MIDEAS: variants seen among roughly 807,000 people sequenced by gnomAD.
MIDEAS encodes mitotic deacetylase associated SANT domain protein.
A neutral mutation model predicts 102.7 loss-of-function variants in MIDEAS; 26 were observed. The observed-to-expected ratio is 0.25, with a 90% confidence interval of 0.19 to 0.35. The LOEUF (loss-of-function observed/expected upper bound fraction) is 0.35, where lower values mean the gene tolerates loss of function less well. Among genes scored for constraint, MIDEAS ranks in the 10% least tolerant of loss-of-function variants. MIDEAS has a pLI of 1.00. For synonymous variants in MIDEAS, 585 were observed against 591.0 expected (o/e 0.99, Z 0.15); for missense variants, 1,231 against 1,435.6 (o/e 0.86, Z 2.30).
At position 73,727,207 on chromosome 14, in the gene MIDEAS, G is replaced by A. The variant is rs542283039; in HGVS notation, c.2163-235C>T. The stretch of plus-strand genomic sequence containing the variant: ...GCTGCAGGTTTACAGATGGGAAAGA[G>A]CCTCTGGACCCCCCTTTCAACTCTC... On this transcript the variant is annotated intron_variant, in intron 5 of 12. Transcript: ENST00000423556. The A allele has an allele frequency of 1.7e-5, 11 of 630,404 alleles. No individual in the cohort carries two copies. The South Asian group carries it at 2.2e-4, about 12-fold the overall frequency. The allele number at this position is 630,404 out of a possible 1,614,324, so 39.1% of individuals were successfully genotyped here. A position where few individuals can be genotyped will look rare whatever the true frequency, so the allele number is the denominator to read the frequency against.
Position 73,729,804 on chromosome 14 carries a change from G to A in MIDEAS, c.1931C>T (p.Pro644Leu). 1 of 1,613,544 alleles carries A rather than the reference G, an allele frequency of 6.2e-7. No individual in the cohort carries two copies. Among genetic ancestry groups the A allele is most frequent in the Non-Finnish European group, 8.5e-7 (1 of 1,179,890 alleles). Residue 644 changes from proline (P) to leucine (L), a missense_variant, in exon 4 of 13, where the codon CCC becomes CTC. This residue lies in a region of MIDEAS where 758 missense variants were observed against 856.0 expected (regional missense o/e 0.89). Transcript: ENST00000423556. ...LRSPVRLADH[P>L]SERSFELPPY... ...AGGTAGCTCAAAGCTCCGCTCAGAG[G>A]GGTGGTCAGCTAGGCGCACGGGAGA...
rs372924077 is a variant in MIDEAS at position 73,715,672 on chromosome 14, G to A, written c.*3171C>T. On this transcript the variant is annotated 3_prime_UTR_variant, in exon 13 of 13. Transcript: ENST00000423556. ...GCTTGCCAGTCTGATAATAAATACC[G>A]TCCCAGAAAAGCGAGCCCCAGTGAA... 1.3e-5 allele frequency: 2 copies of A among 152,480 alleles called. No homozygotes were observed. The highest frequency in any genetic ancestry group is 2.9e-5 in the Non-Finnish European group (2 of 68,034). 9.4% of individuals were successfully genotyped at this position (152,480 alleles called of 1,614,324 possible). A position where few individuals can be genotyped will look rare whatever the true frequency, so the allele number is the denominator to read the frequency against.
intron 1 of MIDEAS, among the ~76,000 whole-genome samples, chr14:73,775,439 A>C (rs2053680937): frequency 6.6e-6 from 1 of 152,030 alleles, no homozygotes; most frequent in African/African-American, 2.4e-5. Flanking sequence ...AAAAGTAGGC[A>C]AGTTCAGTGT....
At position 73,726,884 on chromosome 14, in the gene MIDEAS, A is replaced by T; in HGVS notation, c.2251T>A (p.Leu751Met). The change falls in exon 6 of 13, where the codon TTG (leucine) becomes ATG (methionine). Residue 751 changes from leucine to methionine, a missense_variant. Leu to Met is a conservative substitution (Grantham distance 15, BLOSUM62 2). This residue lies in a region of MIDEAS where 391 missense variants were observed against 483.0 expected (regional missense o/e 0.81). Coordinates refer to ENST00000423556, the MANE Select transcript of MIDEAS (RefSeq NM_001367710.1). The stretch of plus-strand genomic sequence containing the variant: ...AGGTCCTCCCATGGCTGCCACACCA[A>T]GTCAGCCTTGTGGGGATCTGCAGCT... Reference protein sequence around the residue: ...LAAADPHKADLVWQPWEDLES... With the variant: ...LAAADPHKADMVWQPWEDLES... 1 of 1,613,788 alleles carries T rather than the reference A, an allele frequency of 6.2e-7. No homozygotes were observed. The highest frequency in any genetic ancestry group is 1.3e-5 in the African/African-American group (1 of 75,050).
Position 73,739,372 on chromosome 14 carries a change from G to A in MIDEAS, c.637C>T (p.Pro213Ser), listed in dbSNP as rs1468071624. ...AATGCCAGCTGGAAGGGTTGCAGGG[G>A]CAGTGACTGGTTTGGGGGTTTCTTG... ...AAKKPPNQSL[P>S]LQPFQLAFGH... The change falls in exon 2 of 13, where the codon CCC becomes TCC. Residue 213 changes from proline (P) to serine (S), a missense_variant. Physicochemically the swap from Pro to Ser is moderately conservative, Grantham distance 74. Coordinates refer to ENST00000423556, the MANE Select transcript of MIDEAS (RefSeq NM_001367710.1). 9.4e-6 allele frequency: 15 copies of A among 1,591,508 alleles called. No homozygotes were observed. Among genetic ancestry groups the A allele is most frequent in the Non-Finnish European group, 1.3e-5 (15 of 1,167,180 alleles).
chr14:73,729,189 G>A (rs868390866), intron 4 of MIDEAS: 65 of 157,990 alleles, frequency 4.1e-4, no homozygotes, highest in African/African-American at 1.4e-3. Flanking sequence ...AAAGGACTAT[G>A]AGCAAACAGG....
rs2052953209 is a variant in MIDEAS, at chr14:73,719,478, C to T, written c.2961G>A (p.Arg987=). ...ACCCAGGGGCGTTGGACTCGTGGCT[C>T]CGGAGGATGAGGATGTCACTGGCCT... ...NESASDILIL[R]SHESNAPGSA... The change falls in exon 12 of 13, where the codon CGG becomes CGA. Residue 987 remains arginine, a synonymous_variant. Coordinates refer to ENST00000423556, the MANE Select transcript of MIDEAS (RefSeq NM_001367710.1). 1 of 1,613,782 alleles carries T rather than the reference C, an allele frequency of 6.2e-7. No individual in the cohort carries two copies. Among genetic ancestry groups the T allele is most frequent in the East Asian group, 2.2e-5 (1 of 44,848 alleles).
chr14:73,719,476 C>T lies in MIDEAS; in HGVS notation c.2963G>A (p.Ser988Asn). 1 of 1,613,890 alleles carries T rather than the reference C, an allele frequency of 6.2e-7. No individual in the cohort carries two copies. The highest frequency in any genetic ancestry group is 8.5e-7 in the Non-Finnish European group (1 of 1,179,972). Residue 988 changes from serine to asparagine, a missense_variant, in exon 12 of 13, where the codon AGC becomes AAC. By Grantham distance (46) the Ser-to-Asn change is conservative (BLOSUM62 1). This residue lies in a region of MIDEAS where 391 missense variants were observed against 483.0 expected (regional missense o/e 0.81). Coordinates refer to ENST00000423556, the MANE Select transcript of MIDEAS (RefSeq NM_001367710.1). ...ESASDILILR[S>N]HESNAPGSAG... Reference sequence around the variant, plus strand: ...AGACCCAGGGGCGTTGGACTCGTGGCTCCGGAGGATGAGGATGTCACTGGC... The same window carrying T: ...AGACCCAGGGGCGTTGGACTCGTGGTTCCGGAGGATGAGGATGTCACTGGC...
chr14:73,727,080 C>T, intron 5 of MIDEAS, 108 bp from the exon 6 acceptor site: 1 of 1,386,838 alleles, frequency 7.2e-7, no homozygotes, highest in Non-Finnish European at 9.7e-7. Context: ...AGAGCAAGGC[C>T]TCAGCTAGGT....
intron 1 of MIDEAS, among the ~76,000 whole-genome samples, chr14:73,749,224 C>T (rs1341339400): frequency 1.3e-5 from 2 of 152,124 alleles, no homozygotes; most frequent in African/African-American, 4.8e-5. Flanking sequence ...TGTAGGTGAA[C>T]TGTTTTTTTG....
At chr14:73,729,305 T>C (rs1315059497) in intron 4 of MIDEAS, 2 of 232,200 alleles carry the variant, frequency 8.6e-6, no homozygotes, top group Non-Finnish European at 1.7e-5. Flanking sequence ...AATCCAAAAA[T>C]AGTTGAATAT....
Position 73,737,254 on chromosome 14 carries a change from G to A in MIDEAS, c.1493C>T (p.Ser498Leu). 6.2e-7 allele frequency: 1 copy of A among 1,613,978 alleles called. No homozygotes were observed. The highest frequency in any genetic ancestry group is 8.5e-7 in the Non-Finnish European group (1 of 1,179,880). ...AAACTCCACCCCACACTTGGTAGTT[G>A]AGGCCAATACACTTTTCCGCTTCTC... ...SEEKRKSVLA[S>L]TTKCGVEFSE... The change falls in exon 3 of 13, where the codon TCA becomes TTA. Residue 498 changes from serine (S) to leucine (L), a missense_variant. Around this residue, in one of 5 missense-constraint regions of MIDEAS, gnomAD observed 758 missense variants for 856.0 expected, o/e 0.89. Coordinates refer to ENST00000423556, the MANE Select transcript of MIDEAS (RefSeq NM_001367710.1).
At chr14:73,737,481 C>T (rs1378301807) in intron 2 of MIDEAS, among the ~76,000 whole-genome samples, 184 bp from the exon 3 acceptor site, 1 of 152,090 alleles carries the variant, frequency 6.6e-6, no homozygotes, top group Non-Finnish European at 1.5e-5. Context: ...ACAAAATTAG[C>T]TGGGCATGGT....
At chr14:73,750,993 T>C (rs889488551) in intron 1 of MIDEAS, among the ~76,000 whole-genome samples, 1 of 152,252 alleles carries the variant, frequency 6.6e-6, no homozygotes, top group Non-Finnish European at 1.5e-5. Flanking sequence ...TCCTGTGTAA[T>C]CATCTCACAG....
intron 1 of MIDEAS, among the ~76,000 whole-genome samples, chr14:73,752,053 C>A (rs1007789658): frequency 6.6e-6 from 1 of 151,956 alleles, no homozygotes; most frequent in Non-Finnish European, 1.5e-5. Context: ...TGAGCATTAG[C>A]CCCCAGCCAC....
At chr14:73,748,946 G>T (rs997267402) in intron 1 of MIDEAS, among the ~76,000 whole-genome samples, 2 of 151,982 alleles carry the variant, frequency 1.3e-5, no homozygotes, top group African/African-American at 4.8e-5. Context: ...TGTCAGAATT[G>T]AAAGGAAAAA....
intron 12 of MIDEAS, 57 bp from the exon 13 acceptor site, chr14:73,719,065 G>A: frequency 6.9e-7 from 1 of 1,447,706 alleles, no homozygotes; most frequent in South Asian, 1.5e-5. Flanking sequence ...GGCCCCCAGC[G>A]CGGGTGCGCG....
chr14:73,722,928 G>C (rs1476637516), intron 9 of MIDEAS, 81 bp from the exon 10 acceptor site: 1 of 1,513,932 alleles, frequency 6.6e-7, no homozygotes, highest in Non-Finnish European at 9.0e-7. Flanking sequence ...TCTCGTCCCT[G>C]CATCTTTCCC....
upstream of MIDEAS, among the ~76,000 whole-genome samples, chr14:73,760,979 C>A (rs144032402): frequency 2.4e-3 from 360 of 152,280 alleles, 3 homozygotes; most frequent in Non-Finnish European, 3.7e-3. The surrounding 1 kb of genome is among the most constrained non-coding windows in gnomAD (Gnocchi z 4.8). Flanking sequence ...TTTTGCAGCT[C>A]AAGAGGTTGG....
Sources: allele counts gnomAD v4.1 joint callset (sites outside exome capture counted in the v4.1 genomes callset), GRCh38; gene constraint gnomAD v4.1.1; regional missense constraint gnomAD v4.1.1; non-coding constraint Gnocchi (gnomAD v3.1); transcripts MANE v1.5; gene names NCBI Gene and HGNC (gene_info 2026-07-23, HGNC 2026-07-21).